CSGALNACT2: variants seen among roughly 807,000 people sequenced by gnomAD.
The protein encoded by CSGALNACT2 is chondroitin sulfate N-acetylgalactosaminyltransferase 2, also known as beta 4 GalNAcT-2.
Under a neutral mutation model 55.3 loss-of-function variants are expected in CSGALNACT2, and 35 were observed. The ratio of observed to expected loss-of-function variants is 0.63; its 90% CI spans 0.48 to 0.84. The LOEUF is 0.84. Ranked by LOEUF, CSGALNACT2 falls within the 40% of genes least tolerant of loss-of-function variation. The pLI is 0.00. For missense variants in CSGALNACT2, 544 were observed against 657.5 expected (o/e 0.83, Z 1.89); for synonymous variants, 196 against 224.9 (o/e 0.87, Z 1.15).
chr10:43,162,635 T>C, intron 4 of CSGALNACT2: 1 of 985,438 alleles, frequency 1.0e-6, no homozygotes, highest in Non-Finnish European at 1.2e-6. Context: ...ACCCATTCTG[T>C]ACTGTTGTAA....
chr10:43,173,994 A>G (rs1839432384), intron 6 of CSGALNACT2, among the ~76,000 whole-genome samples: 1 of 151,996 alleles, frequency 6.6e-6, no homozygotes, highest in Admixed American at 6.6e-5. Flanking sequence ...CTCTGTCTCA[A>G]AATAATAATA....
chr10:43,139,490 T>C (rs895247866), intron 1 of CSGALNACT2, among the ~76,000 whole-genome samples: 1 of 152,266 alleles, frequency 6.6e-6, no homozygotes, highest in Non-Finnish European at 1.5e-5. Flanking sequence ...TTTTTCTCTT[T>C]GTTTTTGTCG....
intron 1 of CSGALNACT2, among the ~76,000 whole-genome samples, chr10:43,153,542 A>G (rs975225438): frequency 5.3e-5 from 8 of 151,978 alleles, no homozygotes; most frequent in Non-Finnish European, 1.2e-4. Flanking sequence ...CACAGAAAGC[A>G]TCCAGGTTTT....
rs1213329268 is a variant in CSGALNACT2, at chr10:43,185,171, T to C, written c.*1629T>C. ...CAGCTTGTTTTTTGAGAGAATCAAA[T>C]GAGTTTACTTTTGTTCCTGTTGTTT... On this transcript the variant is annotated 3_prime_UTR_variant, in exon 8 of 8. Transcript: ENST00000374466. 2 of 152,184 alleles carry C rather than the reference T, an allele frequency of 1.3e-5. No individual in the cohort carries two copies. The highest frequency in any genetic ancestry group is 2.9e-5 in the Non-Finnish European group (2 of 68,024). 9.4% of individuals were successfully genotyped at this position (152,184 alleles called of 1,614,324 possible). A position where few individuals can be genotyped will look rare whatever the true frequency, so the allele number is the denominator to read the frequency against.
rs1839375969 is a variant in CSGALNACT2, at chr10:43,171,243, A to C, written c.1254+4145A>C. Among the ~76,000 whole-genome samples, 5 of 152,210 alleles carry C rather than the reference A, an allele frequency of 3.3e-5. No homozygotes were observed. The South Asian group carries it at 1.0e-3, about 32-fold the overall frequency. On this transcript the variant is annotated intron_variant, in intron 6 of 7. Transcript: ENST00000374466. The stretch of plus-strand genomic sequence containing the variant: ...TTACTGTTTTGCAACTTCTTTGTAA[A>C]TCTAAAATTATTCCAAAATAAAAGG...
chr10:43,176,314 G>A (rs953922133), intron 7 of CSGALNACT2, among the ~76,000 whole-genome samples: 14 of 152,114 alleles, frequency 9.2e-5, no homozygotes, highest in Admixed American at 2.6e-4. Context: ...ATAGTTGCAG[G>A]TGTTTAGAGT....
At chr10:43,148,802 G>A (rs1254363433) in intron 1 of CSGALNACT2, among the ~76,000 whole-genome samples, 1 of 152,010 alleles carries the variant, frequency 6.6e-6, no homozygotes, top group Non-Finnish European at 1.5e-5. Context: ...AGGATTTTCT[G>A]CATACAGATC....
chr10:43,177,861 C>T (rs1839510814), intron 7 of CSGALNACT2, among the ~76,000 whole-genome samples: 1 of 152,186 alleles, frequency 6.6e-6, no homozygotes, highest in South Asian at 2.1e-4. Flanking sequence ...AAAGTGGCTG[C>T]ATCATTTTAC....
At chr10:43,169,123 G>C (rs1380645085) in intron 6 of CSGALNACT2, among the ~76,000 whole-genome samples, 2 of 152,152 alleles carry the variant, frequency 1.3e-5, no homozygotes, top group Non-Finnish European at 2.9e-5. Context: ...TGGTCGGGGT[G>C]GCTAGGGAGC....
At chr10:43,142,487 C>G (rs2133087235) in intron 1 of CSGALNACT2, among the ~76,000 whole-genome samples, 1 of 152,304 alleles carries the variant, frequency 6.6e-6, no homozygotes, top group South Asian at 2.1e-4. Flanking sequence ...CACGCATGAG[C>G]CACCGTGCCC....
chr10:43,164,521 T>C (rs1324997796), intron 5 of CSGALNACT2, among the ~76,000 whole-genome samples: 1 of 152,224 alleles, frequency 6.6e-6, no homozygotes, highest in East Asian at 1.9e-4. Flanking sequence ...GATGATTTAC[T>C]ATACTTTGCT....
intron 4 of CSGALNACT2, among the ~76,000 whole-genome samples, chr10:43,161,794 T>C (rs1421031207): frequency 6.6e-6 from 1 of 152,170 alleles, no homozygotes. Flanking sequence ...AATTAGTTAG[T>C]TCCTACTTAA....
chr10:43,140,160 G>A (rs772752427), intron 1 of CSGALNACT2, among the ~76,000 whole-genome samples: 54 of 152,238 alleles, frequency 3.5e-4, no homozygotes, highest in Middle Eastern at 3.4e-3. Flanking sequence ...GGACGACAGA[G>A]CCTGACTCGG....
chr10:43,138,884 G>A (rs1838556288), intron 1 of CSGALNACT2, among the ~76,000 whole-genome samples: 1 of 152,186 alleles, frequency 6.6e-6, no homozygotes, highest in Non-Finnish European at 1.5e-5. Context: ...TCGTCATCGC[G>A]TTAAAATAGT....
At chr10:43,139,187 T>C (rs1025305600) in intron 1 of CSGALNACT2, among the ~76,000 whole-genome samples, 3 of 152,200 alleles carry the variant, frequency 2.0e-5, no homozygotes, top group South Asian at 2.1e-4. Context: ...GAGATAGATA[T>C]GGGATGTCGT....
At chr10:43,139,870 C>G (rs1838580029) in intron 1 of CSGALNACT2, among the ~76,000 whole-genome samples, 2 of 152,128 alleles carry the variant, frequency 1.3e-5, no homozygotes, top group African/African-American at 4.8e-5. Context: ...ATTTATGTTC[C>G]CAATTTTTGT....
intron 1 of CSGALNACT2, among the ~76,000 whole-genome samples, chr10:43,145,388 C>A (rs1421492194): frequency 1.4e-5 from 2 of 143,570 alleles, no homozygotes; most frequent in Non-Finnish European, 3.0e-5. Context: ...TTCTAATTGG[C>A]GTAGCCTAAG....
intron 7 of CSGALNACT2, among the ~76,000 whole-genome samples, chr10:43,179,326 G>T (rs1839545671): frequency 6.8e-6 from 1 of 146,020 alleles, no homozygotes; most frequent in South Asian, 2.2e-4. Context: ...TCGAAAACTA[G>T]ACATTTTAGG....
intron 7 of CSGALNACT2, among the ~76,000 whole-genome samples, chr10:43,177,211 T>C (rs910894821): frequency 1.3e-5 from 2 of 152,182 alleles, no homozygotes; most frequent in African/African-American, 4.8e-5. Context: ...TCCTCAAAAA[T>C]AGATTTGTGT....
Sources: gnomAD v4.1 joint callset for allele counts (sites outside exome capture counted in the v4.1 genomes callset) on GRCh38, gnomAD v4.1.1 for gene constraint, MANE v1.5 for transcripts, NCBI Gene and HGNC (gene_info 2026-07-23, HGNC 2026-07-21) for gene names.